The following HDAC9 variants were observed in gnomAD, a reference collection of about 807,000 sequenced individuals.
HDAC9 encodes the protein histone deacetylase 9.
In HDAC9, 41 loss-of-function variants were observed where a neutral mutation model predicts 139.4. The observed-to-expected ratio is 0.29, with a 90% CI of 0.23 to 0.38. The LOEUF is 0.38. Ranked by LOEUF, HDAC9 falls within the 10% of genes least tolerant of loss-of-function variation. HDAC9 has a pLI of 1.00. For missense variants in HDAC9, 1,147 were observed against 1,297.0 expected, an observed-to-expected ratio of 0.88 and a Z score of 1.78; for synonymous variants, 517 against 476.2, an observed-to-expected ratio of 1.09 and a Z score of -1.12.
At chr7:18,275,943 G>C (rs941722694) in intron 2 of HDAC9, among the ~76,000 whole-genome samples, 3 of 152,100 alleles carry the variant, frequency 2.0e-5, no homozygotes, top group Admixed American at 6.6e-5. Context: ...ATTTTTGTCT[G>C]TCTTATCCAC....
chr7:18,299,074 GA>G (rs1250580217), intron 1 of HDAC9, among the ~76,000 whole-genome samples: 1 of 152,038 alleles, frequency 6.6e-6, no homozygotes, highest in Admixed American at 6.5e-5. Context: ...GTTTATTGTT[GA>G]AAAATGAATT....
At position 18,648,489 on chromosome 7, in the gene HDAC9, T is replaced by C. The variant is rs1023984104; in HGVS notation, c.1273T>C (p.Ser425Pro). The change falls in exon 11 of 26, where the codon TCT becomes CCT. Residue 425 changes from serine (S) to proline (P), a missense_variant. Physicochemically the swap from Ser to Pro is moderately conservative, Grantham distance 74. Transcript: ENST00000686413. ...AGGTGGAGTTCCCTTACATCCTCAG[T>C]CTCCCTTGGCAACAAAAGAGAGAAT... ...VAGGVPLHPQ[S>P]PLATKERISP... 3 of 1,613,384 alleles carry C rather than the reference T, an allele frequency of 1.9e-6. No individual in the cohort carries two copies. Among genetic ancestry groups the C allele is most frequent in the East Asian group, 2.2e-5 (1 of 44,804 alleles).
At chr7:18,948,965 T>G in intron 23 of HDAC9, 1 of 382,852 alleles carries the variant, frequency 2.6e-6, no homozygotes, top group South Asian at 2.3e-5. Context: ...GAAGCAGTTC[T>G]TCACATAATT....
At chr7:18,444,341 GAAAAAAAA>G (rs754142568) in intron 1 of HDAC9, among the ~76,000 whole-genome samples, 7 of 35,174 alleles carry the variant, frequency 2.0e-4, no homozygotes, top group Admixed American at 3.7e-4. Context: ...GACCCTGTCT[GAAAAAAAA>G]AAAAAAAAAA....
chr7:18,103,581 T>A (rs1053005945), intron 1 of HDAC9, among the ~76,000 whole-genome samples: 3 of 152,140 alleles, frequency 2.0e-5, no homozygotes, highest in Non-Finnish European at 4.4e-5. Context: ...GAGTCTTGTC[T>A]AACTAAGCCA....
intron 1 of HDAC9, among the ~76,000 whole-genome samples, chr7:18,087,490 G>C (rs752008093): frequency 7.2e-5 from 11 of 152,196 alleles, no homozygotes; most frequent in Non-Finnish European, 1.5e-4. Context: ...GGTCGGTGGC[G>C]TGATTCTCTC....
chr7:18,603,556 A>T (rs78556304), intron 6 of HDAC9, among the ~76,000 whole-genome samples: 2 of 152,116 alleles, frequency 1.3e-5, no homozygotes, highest in Non-Finnish European at 1.5e-5. Flanking sequence ...TTTACAGGTC[A>T]TACAGGTACC....
chr7:18,163,234 A>G (rs1787775837), intron 2 of HDAC9, among the ~76,000 whole-genome samples: 2 of 152,110 alleles, frequency 1.3e-5, no homozygotes, highest in South Asian at 4.1e-4. Flanking sequence ...ACCTTTCCCC[A>G]CATCCCCAAC....
Position 18,996,496 on chromosome 7 carries a change from TCAAA to T in HDAC9, c.*437_*440del, listed in dbSNP as rs201208914. 4 of 162,944 alleles carry T rather than the reference TCAAA, an allele frequency of 2.5e-5. No homozygotes were observed. Among genetic ancestry groups the T allele is most frequent in the Admixed American group, 2.4e-4 (4 of 16,772 alleles). The allele number at this position is 162,944 out of a possible 1,614,324, so 10.1% of individuals were successfully genotyped here. On this transcript the variant is annotated 3_prime_UTR_variant, in exon 26 of 26. Coordinates refer to ENST00000686413, the MANE Select transcript of HDAC9 (RefSeq NM_178425.4). Reference sequence around the variant, plus strand: ...AGCTTTTTTTGGGGTAATTTGTTTTTCAAACAGTCTTAACTTGTTTACAAGATTT... The same window carrying T: ...AGCTTTTTTTGGGGTAATTTGTTTTTCAGTCTTAACTTGTTTACAAGATTT...
chr7:18,743,814 T>G (rs906073843), intron 13 of HDAC9, among the ~76,000 whole-genome samples: 22 of 151,942 alleles, frequency 1.4e-4, no homozygotes, highest in African/African-American at 5.3e-4. Context: ...ATGCATGAGA[T>G]TTGACGGTCA....
chr7:18,093,786 C>A (rs1274849286), intron 1 of HDAC9, among the ~76,000 whole-genome samples: 1 of 151,974 alleles, frequency 6.6e-6, no homozygotes, highest in Non-Finnish European at 1.5e-5. Flanking sequence ...TTCCTTTGTT[C>A]TTCTATTACT....
intron 23 of HDAC9, among the ~76,000 whole-genome samples, chr7:18,950,679 G>A (rs371396407): frequency 2.0e-5 from 3 of 152,042 alleles, no homozygotes; most frequent in Non-Finnish European, 2.9e-5. Context: ...ATTTGTGGGG[G>A]AAAGGGCCAT....
chr7:18,356,015 A>C (rs373944482), intron 1 of HDAC9, among the ~76,000 whole-genome samples: 8 of 152,320 alleles, frequency 5.3e-5, no homozygotes, highest in African/African-American at 1.9e-4. Flanking sequence ...AATCTGGTTT[A>C]AATGAACTTT....
chr7:18,634,439 CAA>C (rs1161871505), intron 7 of HDAC9, among the ~76,000 whole-genome samples, 186 bp from the exon 8 acceptor site: 1 of 150,872 alleles, frequency 6.6e-6, no homozygotes, highest in East Asian at 2.0e-4. Flanking sequence ...GCCATGAAAA[CAA>C]AGGAGGAATA....
chr7:18,200,378 C>G (rs961125548), intron 2 of HDAC9, among the ~76,000 whole-genome samples: 7 of 152,148 alleles, frequency 4.6e-5, no homozygotes, highest in African/African-American at 1.7e-4. Context: ...TTTCAATATT[C>G]TATGAGTTTT....
chr7:18,503,663 A>G (rs1322520721), intron 2 of HDAC9, among the ~76,000 whole-genome samples: 1 of 152,204 alleles, frequency 6.6e-6, no homozygotes, highest in Non-Finnish European at 1.5e-5. Context: ...AAATTTACCA[A>G]ACCACAGAGT....
intron 1 of HDAC9, among the ~76,000 whole-genome samples, chr7:18,141,047 G>T (rs892925804): frequency 6.6e-6 from 1 of 152,014 alleles, no homozygotes; most frequent in Non-Finnish European, 1.5e-5. Context: ...CAGCTTTTGA[G>T]AAGTTGTGTG....
chr7:18,976,464 G>C (rs1480727593), intron 25 of HDAC9, among the ~76,000 whole-genome samples: 1 of 152,196 alleles, frequency 6.6e-6, no homozygotes, highest in African/African-American at 2.4e-5. Context: ...AAAGGGGGAA[G>C]TTGCCTGCAA....
intron 13 of HDAC9, among the ~76,000 whole-genome samples, chr7:18,728,807 A>G (rs1785780237): frequency 6.6e-6 from 1 of 152,170 alleles, no homozygotes; most frequent in South Asian, 2.1e-4. Context: ...AAAATTAATG[A>G]ATGAAATAGC....
Sources: allele counts gnomAD v4.1 joint callset (sites outside exome capture counted in the v4.1 genomes callset), GRCh38; gene constraint gnomAD v4.1.1; transcripts MANE v1.5; gene names NCBI Gene and HGNC (gene_info 2026-07-23, HGNC 2026-07-21).